SLC16A2: variants seen among roughly 807,000 people sequenced by gnomAD.
The protein encoded by SLC16A2 is solute carrier family 16 member 2.
SLC16A2 carries 3 observed loss-of-function variants against 27.2 expected under a neutral mutation model. The ratio of observed to expected loss-of-function variants is 0.11; its 90% CI spans 0.05 to 0.28. The LOEUF (loss-of-function observed/expected upper bound fraction) is 0.28, where lower values mean the gene tolerates loss of function less well. Among genes scored for constraint, SLC16A2 ranks in the 10% least tolerant of loss-of-function variants. The pLI is 1.00. For missense variants in SLC16A2, 295 were observed against 458.5 expected, an observed-to-expected ratio of 0.64 and a Z score of 3.26; for synonymous variants, 202 against 187.8, an observed-to-expected ratio of 1.08 and a Z score of -0.62.
rs550937 is a variant in SLC16A2 at position 74,454,960 on chromosome X, T to C, written c.430+32893T>C. On this transcript the variant is annotated intron_variant, in intron 1 of 5. Transcript: ENST00000587091. ...TGTATGTATTCTTATAAAAAATACA[T>C]ATAAATGTCTTATTATCTGCATTGT... Among the ~76,000 whole-genome samples the C allele has an allele frequency of 8.2e-3, 924 of 112,375 alleles. 15 individuals are homozygous for C. The highest frequency in any genetic ancestry group is 0.028 in the African/African-American group (879 of 30,973).
chrX:74,456,107 A>G (rs1055108894), intron 1 of SLC16A2, among the ~76,000 whole-genome samples: 3 of 112,212 alleles, frequency 2.7e-5, no homozygotes, highest in Non-Finnish European at 5.6e-5. Context: ...GTTCTAATTC[A>G]TAAGTAGGGC....
intron 1 of SLC16A2, among the ~76,000 whole-genome samples, chrX:74,426,945 C>G (rs140773985): frequency 7.2e-5 from 8 of 111,387 alleles, no homozygotes; most frequent in Non-Finnish European, 1.3e-4. Flanking sequence ...ATCCTTTTTA[C>G]CTAGTATGTA....
At chrX:74,432,497 T>C (rs1928551676) in intron 1 of SLC16A2, among the ~76,000 whole-genome samples, 1 of 112,009 alleles carries the variant, frequency 8.9e-6, no homozygotes, top group Non-Finnish European at 1.9e-5. Context: ...AATGTTTTGC[T>C]TTTTTGTTGC....
chrX:74,502,101 T>A (rs2147863444), intron 1 of SLC16A2, among the ~76,000 whole-genome samples: 1 of 112,235 alleles, frequency 8.9e-6, no homozygotes, highest in East Asian at 2.8e-4. Flanking sequence ...TACAGTGTGT[T>A]ACTTTAGGCT....
At chrX:74,506,417 G>A (rs1225002679) in intron 1 of SLC16A2, among the ~76,000 whole-genome samples, 1 of 111,500 alleles carries the variant, frequency 9.0e-6, no homozygotes, top group Non-Finnish European at 1.9e-5. Flanking sequence ...ATGGGGCAGG[G>A]AGCCTGGGAA....
At chrX:74,498,350 C>T (rs1929972369) in intron 1 of SLC16A2, among the ~76,000 whole-genome samples, 1 of 110,916 alleles carries the variant, frequency 9.0e-6, no homozygotes, top group Non-Finnish European at 1.9e-5. Flanking sequence ...TGACAATCAA[C>T]TGACCCCACC....
At chrX:74,457,337 G>GA (rs1448487384) in intron 1 of SLC16A2, among the ~76,000 whole-genome samples, 1 of 111,200 alleles carries the variant, frequency 9.0e-6, no homozygotes, top group African/African-American at 3.3e-5. Flanking sequence ...CTGCTCAGGA[G>GA]AAAATTAGCC....
At chrX:74,479,464 G>C (rs1353205705) in intron 1 of SLC16A2, among the ~76,000 whole-genome samples, 1 of 111,980 alleles carries the variant, frequency 8.9e-6, no homozygotes, top group African/African-American at 3.2e-5. Flanking sequence ...TTGATCTTCT[G>C]AAGGCTTCTT....
At chrX:74,432,098 C>T (rs1014191437) in intron 1 of SLC16A2, among the ~76,000 whole-genome samples, 1 of 111,814 alleles carries the variant, frequency 8.9e-6, no homozygotes, top group Non-Finnish European at 1.9e-5. Flanking sequence ...GCTCACAAAC[C>T]TCCCTACAAG....
chrX:74,448,162 T>TAC (rs1347784325), intron 1 of SLC16A2, among the ~76,000 whole-genome samples: 1 of 111,088 alleles, frequency 9.0e-6, no homozygotes. Flanking sequence ...GTTGAACATA[T>TAC]ACCTTCCCTG....
At position 74,453,132 on chromosome X, in the gene SLC16A2, C is replaced by T. The variant is rs751929977; in HGVS notation, c.430+31065C>T. Reference sequence around the variant, plus strand: ...GTACGATCTTGGCTCACTTCCGCCTCCTGGGTTCAAGCTATTCTCCCGCCT... The same window carrying T: ...GTACGATCTTGGCTCACTTCCGCCTTCTGGGTTCAAGCTATTCTCCCGCCT... On this transcript the variant is annotated intron_variant, in intron 1 of 5. Transcript: ENST00000587091. 1.9e-4 allele frequency among the ~76,000 whole-genome samples: 21 copies of T among 108,084 alleles called. No homozygotes were observed. In the East Asian group the frequency reaches 3.8e-3, roughly 20 times the overall value. 93.9% of individuals were successfully genotyped at this position (108,084 alleles called of 115,157 possible). A position where few individuals can be genotyped will look rare whatever the true frequency, so the allele number is the denominator to read the frequency against.
At chrX:74,512,079 C>T (rs1008796824) in intron 1 of SLC16A2, among the ~76,000 whole-genome samples, 1 of 112,110 alleles carries the variant, frequency 8.9e-6, no homozygotes, top group Non-Finnish European at 1.9e-5. Context: ...CTCACTAATG[C>T]GTGCCCACCA....
At chrX:74,469,569 G>A (rs1019670318) in intron 1 of SLC16A2, among the ~76,000 whole-genome samples, 53 of 111,142 alleles carry the variant, frequency 4.8e-4, no homozygotes, top group African/African-American at 1.7e-3. Flanking sequence ...GTTCCTTGAC[G>A]ACTAAAGATA....
In SLC16A2 at chrX:74,532,956, G is replaced by A. The variant is rs1458968251; in HGVS notation, c.*1403G>A. On this transcript the variant is annotated 3_prime_UTR_variant, in exon 6 of 6. Coordinates refer to ENST00000587091, the MANE Select transcript of SLC16A2 (RefSeq NM_006517.5). ...TTCCCAGTGCCCCTGGCTAGGGGCAGAGGGCACTGCCAGGCTGTGTTCAGT... is the reference window on the plus strand; with the variant it reads ...TTCCCAGTGCCCCTGGCTAGGGGCAAAGGGCACTGCCAGGCTGTGTTCAGT... 8.9e-6 allele frequency: 1 copy of A among 112,330 alleles called. No individual in the cohort carries two copies. The highest frequency in any genetic ancestry group is 1.9e-5 in the Non-Finnish European group (1 of 53,103). The allele number at this position is 112,330 out of a possible 1,213,427, so 9.3% of individuals were successfully genotyped here.
intron 1 of SLC16A2, among the ~76,000 whole-genome samples, chrX:74,517,585 A>G (rs1457034681): frequency 8.9e-6 from 1 of 111,750 alleles, no homozygotes; most frequent in Non-Finnish European, 1.9e-5. Context: ...CCTTCTCCCC[A>G]CCTTTAAAAA....
chrX:74,520,641 G>T (rs1039894890), intron 1 of SLC16A2, among the ~76,000 whole-genome samples: 2 of 111,422 alleles, frequency 1.8e-5, no homozygotes, highest in African/African-American at 3.3e-5. Flanking sequence ...GTCTTCACAG[G>T]GTTCTTCTAA....
intron 1 of SLC16A2, among the ~76,000 whole-genome samples, chrX:74,512,932 G>A (rs930797331): frequency 9.0e-6 from 1 of 111,084 alleles, no homozygotes; most frequent in African/African-American, 3.3e-5. Flanking sequence ...ACAGACATAT[G>A]TTCACTTAGG....
chrX:74,455,283 G>T (rs1033554630), intron 1 of SLC16A2, among the ~76,000 whole-genome samples: 18 of 110,921 alleles, frequency 1.6e-4, no homozygotes, highest in African/African-American at 5.9e-4. Flanking sequence ...ATTTTATCTC[G>T]GGGAAAGTTA....
chrX:74,504,965 G>A (rs974859816), intron 1 of SLC16A2, among the ~76,000 whole-genome samples: 15 of 111,334 alleles, frequency 1.3e-4, no homozygotes, highest in African/African-American at 5.0e-4. Context: ...ACTCCAACCC[G>A]GGTGACAGAG....
Sources: gnomAD v4.1 joint callset for allele counts (sites outside exome capture counted in the v4.1 genomes callset) on GRCh38, gnomAD v4.1.1 for gene constraint, MANE v1.5 for transcripts, NCBI Gene and HGNC (gene_info 2026-07-23, HGNC 2026-07-21) for gene names.